DOCK6: variants seen among roughly 807,000 people sequenced by gnomAD.
DOCK6 encodes the protein dedicator of cytokinesis protein 6.
Under a neutral mutation model 230.3 loss-of-function variants are expected in DOCK6, and 167 were observed. The observed-to-expected ratio is 0.73, with a 90% CI of 0.64 to 0.82. DOCK6 has a LOEUF of 0.82. DOCK6 is among the 40% of genes least tolerant of loss of function. The pLI is 0.00. For synonymous variants in DOCK6, 1,148 were observed against 1,185.0 expected (o/e 0.97, Z 0.64); for missense variants, 2,598 against 2,825.8 (o/e 0.92, Z 1.83).
chr19:11,214,345 C>T lies in DOCK6; in HGVS notation c.4268G>A (p.Ser1423Asn). The change falls in exon 34 of 48, where the codon AGC (serine) becomes AAC (asparagine). Residue 1423 changes from serine (S) to asparagine (N), a missense_variant. Transcript: ENST00000294618. ...LGAVLKVVLY[S>N]LGSAQSALFL... ...GAGGGCACTCTGGGCACTGCCCAGGCTGTACAGCACAACCTTCAGCACTGC... is the reference window on the plus strand; with the variant it reads ...GAGGGCACTCTGGGCACTGCCCAGGTTGTACAGCACAACCTTCAGCACTGC... 6.2e-7 allele frequency: 1 copy of T among 1,613,704 alleles called. No individual in the cohort carries two copies. Among genetic ancestry groups the T allele is most frequent in the Non-Finnish European group, 8.5e-7 (1 of 1,179,886 alleles).
Position 11,201,180 on chromosome 19 carries a change from TGG to T in DOCK6, c.5689-130_5689-129del. 1 of 1,220,734 alleles carries T rather than the reference TGG, an allele frequency of 8.2e-7. No individual in the cohort carries two copies. Among genetic ancestry groups the T allele is most frequent in the Non-Finnish European group, 1.1e-6 (1 of 875,190 alleles). The allele number at this position is 1,220,734 out of a possible 1,614,324, so 75.6% of individuals were successfully genotyped here. A position where few individuals can be genotyped will look rare whatever the true frequency, so the allele number is the denominator to read the frequency against. On this transcript the variant is annotated intron_variant, in intron 44 of 47. Coordinates refer to ENST00000294618, the MANE Select transcript of DOCK6 (RefSeq NM_020812.4). This position sits in a 1 kb window ranked among gnomAD's most constrained non-coding sequence, Gnocchi z 4.3. ...AAGAACCCAGGCAATGAACAGAATCTGGGGGCCTTCCTGGGTCTGACTCTGGG... is the reference window on the plus strand; with the variant it reads ...AAGAACCCAGGCAATGAACAGAATCTGGGCCTTCCTGGGTCTGACTCTGGG...
At chr19:11,214,220 C>A in intron 34 of DOCK6, 55 bp downstream of exon 34, 1 of 1,531,412 alleles carries the variant, frequency 6.5e-7, no homozygotes, top group South Asian at 1.2e-5. Flanking sequence ...CCACTGTGCT[C>A]AGCCTAGAGC....
intron 1 of DOCK6, among the ~76,000 whole-genome samples, chr19:11,257,470 G>A (rs1216683473): frequency 8.9e-6 from 1 of 112,956 alleles, no homozygotes; most frequent in South Asian, 3.4e-4. Context: ...GGGCTACAGA[G>A]ACACTGTCTC....
chr19:11,229,950 A>G (rs1206125410), intron 22 of DOCK6, among the ~76,000 whole-genome samples: 1 of 149,382 alleles, frequency 6.7e-6, no homozygotes, highest in East Asian at 2.0e-4. Flanking sequence ...AGGCCAAAGC[A>G]GGAGGATTGC....
intron 28 of DOCK6, among the ~76,000 whole-genome samples, chr19:11,220,125 T>C (rs556455271): frequency 6.6e-6 from 1 of 152,168 alleles, no homozygotes; most frequent in Non-Finnish European, 1.5e-5. Flanking sequence ...AGCTAATGTT[T>C]GTATTTTTGG....
intron 1 of DOCK6, among the ~76,000 whole-genome samples, chr19:11,261,846 C>A (rs1282105854): frequency 6.6e-6 from 1 of 151,976 alleles, no homozygotes; most frequent in East Asian, 1.9e-4. Flanking sequence ...CCCCCTTCCC[C>A]CCCCCCGACA....
At position 11,261,362 on chromosome 19, in the gene DOCK6, C is replaced by T. The variant is rs553873990; in HGVS notation, c.44+1035G>A. On this transcript the variant is annotated intron_variant, in intron 1 of 47. Coordinates refer to ENST00000294618, the MANE Select transcript of DOCK6 (RefSeq NM_020812.4). ...CAGCCCCCACCCTCCCATCCCCCTT[C>T]CCTGTCTTCTTGTCCCTACAGCACT... is the stretch of plus-strand genomic sequence containing the variant. Among the ~76,000 whole-genome samples the T allele has an allele frequency of 1.0e-3, 145 of 140,706 alleles. 1 individual carries two copies. Among genetic ancestry groups the T allele is most frequent in the South Asian group, 2.3e-3 (9 of 3,958 alleles). The allele number at this position is 140,706 out of a possible 152,430, so 92.3% of individuals were successfully genotyped here. A position where few individuals can be genotyped will look rare whatever the true frequency, so the allele number is the denominator to read the frequency against.
intron 28 of DOCK6, among the ~76,000 whole-genome samples, chr19:11,220,311 G>C (rs2079560439): frequency 6.6e-6 from 1 of 152,084 alleles, no homozygotes. Flanking sequence ...CTCTTAAAAA[G>C]GTAACCCCCA....
At chr19:11,252,599 C>T (rs1568265094) in intron 3 of DOCK6, 49 bp from the exon 4 acceptor site, 4 of 1,611,464 alleles carry the variant, frequency 2.5e-6, no homozygotes, top group Non-Finnish European at 3.4e-6. Flanking sequence ...CTCTGTGAAT[C>T]CTTCTGCTAG....
At position 11,233,368 on chromosome 19, in the gene DOCK6, T is replaced by C. The variant is rs1360223107; in HGVS notation, c.2555-2A>G. ...CCTGCACTGTCACTGGAGGGGCCCC[T>C]GAGGATGGAGTGAATAGGGTCAACC... is the stretch of plus-strand genomic sequence containing the variant. On this transcript the variant is annotated splice_acceptor_variant, in intron 21 of 47. Coordinates refer to ENST00000294618, the MANE Select transcript of DOCK6 (RefSeq NM_020812.4). LOFTEE classifies it high-confidence loss of function. 9.3e-6 allele frequency: 15 copies of C among 1,612,660 alleles called. No individual in the cohort carries two copies. Among genetic ancestry groups the C allele is most frequent in the South Asian group, 6.6e-5 (6 of 91,042 alleles).
At position 11,224,642 on chromosome 19, in the gene DOCK6, T is replaced by C. The variant is rs183318408; in HGVS notation, c.2956-1536A>G. On this transcript the variant is annotated intron_variant, in intron 24 of 47. Coordinates refer to ENST00000294618, the MANE Select transcript of DOCK6 (RefSeq NM_020812.4). ...TCAGTGCAAAGGCCCTGAGGCAGGA[T>C]GTGCCTAGCAAGTCCGGGGAACAGT... is the stretch of plus-strand genomic sequence containing the variant. Among the ~76,000 whole-genome samples the C allele has an allele frequency of 1.7e-4, 26 of 152,252 alleles. No individual in the cohort carries two copies. The East Asian group carries it at 3.1e-3, about 18-fold the overall frequency.
intron 39 of DOCK6, chr19:11,208,341 C>T (rs549464390): frequency 7.6e-5 from 12 of 158,738 alleles, no homozygotes; most frequent in African/African-American, 2.3e-4. Context: ...AGTGCAGTGG[C>T]GCAATTCTGG....
chr19:11,202,620 C>T lies in DOCK6; in HGVS notation c.5325G>A (p.Ser1775=), dbSNP rs917036376. 21 of 1,613,896 alleles carry T rather than the reference C, an allele frequency of 1.3e-5. No individual in the cohort carries two copies. Among genetic ancestry groups the T allele is most frequent in the African/African-American group, 4.0e-5 (3 of 74,934 alleles). Residue 1775 remains serine (S), a synonymous_variant, in exon 42 of 48, where the codon TCG becomes TCA. Coordinates refer to ENST00000294618, the MANE Select transcript of DOCK6 (RefSeq NM_020812.4). The surrounding 1 kb of genome is among the most constrained non-coding windows in gnomAD (Gnocchi z 5.3). ...GTGAGATCTCTGCCAGCTTCGTGAT[C>T]GATGGCTCCTTGTACACAAACTCCT... is the stretch of plus-strand genomic sequence containing the variant. ...DEQEFVYKEP[S]ITKLAEISHR...
At chr19:11,221,757 T>C in intron 28 of DOCK6, 94 bp downstream of exon 28, 4 of 1,578,420 alleles carry the variant, frequency 2.5e-6, no homozygotes, top group East Asian at 2.2e-5. Context: ...TCTATACTCA[T>C]ACCAGTGACT....
At position 11,245,607 on chromosome 19, in the gene DOCK6, A is replaced by G. The variant is rs958559140; in HGVS notation, c.979T>C (p.Phe327Leu). 6.3e-7 allele frequency: 1 copy of G among 1,580,692 alleles called. No homozygotes were observed. Among genetic ancestry groups the G allele is most frequent in the Non-Finnish European group, 8.6e-7 (1 of 1,163,346 alleles). The change falls in exon 9 of 48, where the codon TTC becomes CTC. Residue 327 changes from phenylalanine (F) to leucine (L), a missense_variant. Physicochemically the swap from Phe to Leu is conservative, Grantham distance 22 (BLOSUM62 0). Transcript: ENST00000294618. ...AISTLARSAI[F>L]SVTYPSPDIF... The stretch of plus-strand genomic sequence containing the variant: ...TCAGGTGAGGGGTAGGTCACAGAGA[A>G]GATGGCAGAGCGGGCCAGGGTGGAG...
chr19:11,224,215 T>TTTCTTTCTTTCTTTCTTTCC (rs1491120050), intron 24 of DOCK6, among the ~76,000 whole-genome samples: 1 of 143,474 alleles, frequency 7.0e-6, no homozygotes, highest in South Asian at 2.2e-4. Context: ...TCTTTCTTTC[T>TTTCTTTCTTTCTTTCTTTCC]TTTTTTTTTT....
In DOCK6 at chr19:11,243,944, G is replaced by C; in HGVS notation, c.1024-62C>G. 3 of 1,545,086 alleles carry C rather than the reference G, an allele frequency of 1.9e-6. No individual in the cohort carries two copies. The highest frequency in any genetic ancestry group is 1.8e-6 in the Non-Finnish European group (2 of 1,139,178). On this transcript the variant is annotated intron_variant, in intron 9 of 47. Coordinates refer to ENST00000294618, the MANE Select transcript of DOCK6 (RefSeq NM_020812.4). The surrounding 1 kb of genome is among the most constrained non-coding windows in gnomAD (Gnocchi z 6.3). ...CCGAACGCTCTGTTCCCCCGTGCTGGCTCCCCAGCCTCCTGGACCCCTCAT... is the reference window on the plus strand; with the variant it reads ...CCGAACGCTCTGTTCCCCCGTGCTGCCTCCCCAGCCTCCTGGACCCCTCAT...
chr19:11,222,167 A>T lies in DOCK6; in HGVS notation c.3322T>A (p.Phe1108Ile). The T allele has an allele frequency of 6.2e-7, 1 of 1,611,464 alleles. No individual in the cohort carries two copies. Among genetic ancestry groups the T allele is most frequent in the Non-Finnish European group, 8.5e-7 (1 of 1,178,930 alleles). Reference protein sequence around the residue: ...ELSGPFRQQHFLAGLLLTELA... With the variant: ...ELSGPFRQQHILAGLLLTELA... ...TCCGTCAGCAGGAGCCCAGCTAGGA[A>T]GTGCTGCTGCCGGAATGGTCCACTC... Residue 1108 changes from phenylalanine to isoleucine, a missense_variant, in exon 27 of 48, where the codon TTC becomes ATC. Coordinates refer to ENST00000294618, the MANE Select transcript of DOCK6 (RefSeq NM_020812.4). This position sits in a 1 kb window ranked among gnomAD's most constrained non-coding sequence, Gnocchi z 4.0.
In DOCK6 at chr19:11,208,926, G is replaced by A. The variant is rs1291967536; in HGVS notation, c.4929C>T (p.Gly1643=). 1 of 1,597,128 alleles carries A rather than the reference G, an allele frequency of 6.3e-7. No homozygotes were observed. The highest frequency in any genetic ancestry group is 2.3e-5 in the East Asian group (1 of 44,390). ...GGCCACTCACCTGGAAGGAAACGCA[G>A]CCCACGGGCAGGTGGCGGTGGTCCT... ...LLEDHRHLPV[G]CVSFQNISSN... is the part of the protein sequence containing the mutation. The change falls in exon 38 of 48, where the codon GGC becomes GGT. Residue 1643 remains glycine (G), a synonymous_variant. Transcript: ENST00000294618.
Sources: allele counts gnomAD v4.1 joint callset (sites outside exome capture counted in the v4.1 genomes callset), GRCh38; gene constraint gnomAD v4.1.1; non-coding constraint Gnocchi (gnomAD v3.1); transcripts MANE v1.5; gene names NCBI Gene and HGNC (gene_info 2026-07-23, HGNC 2026-07-21).